Variants in CFAP299 observed in about 807,000 individuals in gnomAD.
CFAP299 encodes the protein cilia and flagella associated protein 299, also known as cilia- and flagella-associated protein 299.
Under a neutral mutation model 27.0 loss-of-function variants are expected in CFAP299, and 21 were observed. That is an observed-to-expected ratio of 0.78 (90% CI 0.55 to 1.12). The LOEUF (loss-of-function observed/expected upper bound fraction) is 1.12, where lower values mean the gene tolerates loss of function less well. Ranked by LOEUF, CFAP299 falls within the 50% of genes most tolerant of loss-of-function variation. The pLI, the probability that CFAP299 is intolerant of heterozygous loss-of-function variation, is 0.00. For missense variants in CFAP299, 310 were observed against 276.6 expected, an observed-to-expected ratio of 1.12 and a Z score of -0.86; for synonymous variants, 104 against 98.1, an observed-to-expected ratio of 1.06 and a Z score of -0.36.
At chr4:80,909,473 A>T (rs1423698457) in intron 4 of CFAP299, among the ~76,000 whole-genome samples, 1 of 152,024 alleles carries the variant, frequency 6.6e-6, no homozygotes, top group East Asian at 1.9e-4. Flanking sequence ...AATAACATAT[A>T]ATTTGAGTCC....
intron 4 of CFAP299, among the ~76,000 whole-genome samples, chr4:80,942,699 G>C (rs930864350): frequency 6.6e-6 from 1 of 152,014 alleles, no homozygotes; most frequent in Admixed American, 6.6e-5. Flanking sequence ...AACAAGATAG[G>C]AATGTGTAAT....
At chr4:80,929,986 A>G (rs1397352001) in intron 4 of CFAP299, among the ~76,000 whole-genome samples, 2 of 152,124 alleles carry the variant, frequency 1.3e-5, no homozygotes, top group Non-Finnish European at 2.9e-5. Context: ...TATGCTAATG[A>G]GATGACTGGT....
chr4:80,931,392 G>A (rs980075245), intron 4 of CFAP299, among the ~76,000 whole-genome samples: 7 of 152,106 alleles, frequency 4.6e-5, no homozygotes, highest in African/African-American at 1.4e-4. Context: ...GAGGCATGAT[G>A]GATGATGGTT....
chr4:80,373,972 A>G (rs1304277003), intron 2 of CFAP299, among the ~76,000 whole-genome samples: 1 of 152,058 alleles, frequency 6.6e-6, no homozygotes, highest in Non-Finnish European at 1.5e-5. Context: ...CTCACACAAT[A>G]TGTTTCTTCT....
intron 3 of CFAP299, among the ~76,000 whole-genome samples, chr4:80,797,884 T>C (rs1162618552): frequency 6.6e-6 from 1 of 152,138 alleles, no homozygotes; most frequent in Non-Finnish European, 1.5e-5. Context: ...TCGCTCACAG[T>C]GGGGGCAATC....
At chr4:80,667,210 T>C (rs1369622642) in intron 3 of CFAP299, among the ~76,000 whole-genome samples, 2 of 152,224 alleles carry the variant, frequency 1.3e-5, no homozygotes, top group Non-Finnish European at 2.9e-5. Context: ...TTATCTTTTA[T>C]TGATCTACAA....
intron 2 of CFAP299, among the ~76,000 whole-genome samples, chr4:80,544,838 T>G (rs554601398): frequency 1.2e-4 from 18 of 152,268 alleles, no homozygotes; most frequent in African/African-American, 4.3e-4. Context: ...ATTCTGGACT[T>G]AAACTCAATA....
chr4:80,887,192 CA>C (rs1221113639), intron 4 of CFAP299, among the ~76,000 whole-genome samples: 2 of 152,030 alleles, frequency 1.3e-5, no homozygotes, highest in African/African-American at 4.8e-5. Flanking sequence ...GAGAACGTCC[CA>C]AACCTAGAGA....
At chr4:80,724,721 C>G (rs1578061310) in intron 3 of CFAP299, among the ~76,000 whole-genome samples, 1 of 152,016 alleles carries the variant, frequency 6.6e-6, no homozygotes. Context: ...GATACTCTAC[C>G]ACCTCCAATA....
intron 2 of CFAP299, among the ~76,000 whole-genome samples, chr4:80,512,440 A>G (rs915986721): frequency 1.3e-5 from 2 of 152,114 alleles, no homozygotes; most frequent in Admixed American, 6.6e-5. Context: ...TGAAGCACAT[A>G]TGGAAAACCA....
intron 3 of CFAP299, among the ~76,000 whole-genome samples, chr4:80,710,268 C>T (rs1722064793): frequency 6.6e-6 from 1 of 151,936 alleles, no homozygotes; most frequent in Admixed American, 6.6e-5. Flanking sequence ...CAACTTGGTC[C>T]AAGGAAAGCA....
At chr4:80,603,996 T>TA (rs1159483207) in intron 3 of CFAP299, among the ~76,000 whole-genome samples, 1 of 152,160 alleles carries the variant, frequency 6.6e-6, no homozygotes, top group Non-Finnish European at 1.5e-5. Flanking sequence ...AGTGTTCACT[T>TA]AAAAAATACT....
chr4:80,494,487 C>T (rs956923575), intron 2 of CFAP299, among the ~76,000 whole-genome samples: 7 of 152,204 alleles, frequency 4.6e-5, no homozygotes, highest in Non-Finnish European at 8.8e-5. Context: ...AAAGTCTTTG[C>T]ACCAGTTATA....
intron 3 of CFAP299, among the ~76,000 whole-genome samples, chr4:80,736,322 C>A (rs1723869042): frequency 6.6e-6 from 1 of 152,042 alleles, no homozygotes; most frequent in Non-Finnish European, 1.5e-5. Context: ...TTCCCAGCAC[C>A]ATTTATTAAA....
intron 4 of CFAP299, among the ~76,000 whole-genome samples, chr4:80,933,370 T>C (rs1335854403): frequency 6.6e-6 from 1 of 152,112 alleles, no homozygotes. Context: ...TATTTTAGGT[T>C]CCACATATAA....
chr4:80,951,787 C>T (rs1382611699), intron 5 of CFAP299, among the ~76,000 whole-genome samples: 1 of 152,158 alleles, frequency 6.6e-6, no homozygotes, highest in Non-Finnish European at 1.5e-5. Flanking sequence ...ATAAAGCTAT[C>T]AAACTTCATT....
At chr4:80,409,063 A>G (rs1726581181) in intron 2 of CFAP299, among the ~76,000 whole-genome samples, 1 of 151,576 alleles carries the variant, frequency 6.6e-6, no homozygotes, top group Non-Finnish European at 1.5e-5. Context: ...AGAGAGAAAA[A>G]TATAAACAAC....
At chr4:80,819,448 T>TAA (rs1022123182) in intron 3 of CFAP299, among the ~76,000 whole-genome samples, 2 of 152,100 alleles carry the variant, frequency 1.3e-5, no homozygotes, top group African/African-American at 4.8e-5. Context: ...AAAGTGATAC[T>TAA]AATGAGCTAG....
intron 2 of CFAP299, among the ~76,000 whole-genome samples, chr4:80,414,064 C>CTTTTTT (rs1170153950): frequency 4.0e-4 from 25 of 62,432 alleles, no homozygotes; most frequent in Middle Eastern, 9.4e-3. Context: ...ATGGGTATTT[C>CTTTTTT]TTTTTTTTTT....
Sources: allele counts gnomAD v4.1 joint callset (sites outside exome capture counted in the v4.1 genomes callset), GRCh38; gene constraint gnomAD v4.1.1; transcripts MANE v1.5; gene names NCBI Gene and HGNC (gene_info 2026-07-23, HGNC 2026-07-21).